Variants in CCDC61 observed in about 807,000 individuals in gnomAD.
CCDC61 encodes centrosomal protein CCDC61.
In CCDC61, 55 loss-of-function variants were observed where a neutral mutation model predicts 63.0. That is an observed-to-expected ratio of 0.87 (90% CI 0.70 to 1.09). The LOEUF (loss-of-function observed/expected upper bound fraction) is 1.09. CCDC61 is among the 50% of genes least tolerant of loss of function. CCDC61 has a pLI of 0.00. For synonymous variants in CCDC61, 270 were observed against 317.0 expected (o/e 0.85, Z 1.58); for missense variants, 651 against 731.4 (o/e 0.89, Z 1.27).
intron 5 of CCDC61, among the ~76,000 whole-genome samples, chr19:46,013,167 C>A (rs1968861172): frequency 6.6e-6 from 1 of 152,094 alleles, no homozygotes; most frequent in Non-Finnish European, 1.5e-5. Context: ...TACAGGTGCC[C>A]CCCACCAGAC....
rs1600654326 is a variant in CCDC61 at position 46,015,505 on chromosome 19, G to T, written c.845+78G>T. 3.1e-6 allele frequency: 4 copies of T among 1,291,322 alleles called. No homozygotes were observed. Among genetic ancestry groups the T allele is most frequent in the Non-Finnish European group, 4.2e-6 (4 of 946,416 alleles). The allele number at this position is 1,291,322 out of a possible 1,614,324, so 80.0% of individuals were successfully genotyped here. A position where few individuals can be genotyped will look rare whatever the true frequency, so the allele number is the denominator to read the frequency against. On this transcript the variant is annotated intron_variant, in intron 7 of 13. Transcript: ENST00000595358. This position sits in a 1 kb window ranked among gnomAD's most constrained non-coding sequence, Gnocchi z 5.3. ...TGGAGGCTGATGAGGCGGAGCCTAA[G>T]GGGGCGGGGCGGGGCCAGGTAGGGT...
At chr19:46,006,442 G>A (rs988990574) in intron 3 of CCDC61, 117 bp from the exon 4 acceptor site, 99 of 988,022 alleles carry the variant, frequency 1.0e-4, no homozygotes, top group Middle Eastern at 2.7e-4. Context: ...CAGCCTTCGC[G>A]TAGGAAAGCC....
chr19:46,002,134 TG>T (rs1024936267), intron 1 of CCDC61, among the ~76,000 whole-genome samples: 38 of 151,768 alleles, frequency 2.5e-4, no homozygotes, highest in African/African-American at 8.9e-4. Context: ...TTAGTAGAGA[TG>T]GGGTTTCACC....
In CCDC61 at chr19:46,007,601, G is replaced by T. The variant is rs182098232; in HGVS notation, c.390-539G>T. On this transcript the variant is annotated intron_variant, in intron 4 of 13. Transcript: ENST00000595358. The stretch of plus-strand genomic sequence containing the variant: ...ATATCTGGCTTTCTAGCCTTTATAG[G>T]GGGAGGGTAGCAAGAGAGTTGGGAA... 1.1e-4 allele frequency among the ~76,000 whole-genome samples: 16 copies of T among 152,320 alleles called. No homozygotes were observed. The East Asian group carries it at 3.1e-3, about 29-fold the overall frequency.
At position 46,016,918 on chromosome 19, in the gene CCDC61, G is replaced by T; in HGVS notation, c.1232-73G>T. The T allele has an allele frequency of 6.9e-7, 1 of 1,442,006 alleles. No homozygotes were observed. The allele number at this position is 1,442,006 out of a possible 1,614,324, so 89.3% of individuals were successfully genotyped here. On this transcript the variant is annotated intron_variant, in intron 10 of 13. Coordinates refer to ENST00000595358, the MANE Select transcript of CCDC61 (RefSeq NM_001267723.2). The surrounding 1 kb of genome is among the most constrained non-coding windows in gnomAD (Gnocchi z 7.2). ...CTGGGAGGCACTGGGCAGGGCGGGC[G>T]GGCTGGGAGGGCCTGGGAAGCACTG...
intron 1 of CCDC61, among the ~76,000 whole-genome samples, 176 bp from the exon 2 acceptor site, chr19:46,002,832 G>A (rs1405534564): frequency 6.6e-6 from 1 of 152,156 alleles, no homozygotes; most frequent in East Asian, 1.9e-4. Context: ...CCACGAGGTT[G>A]GTGCCATTAT....
chr19:46,010,927 C>T (rs964769171), intron 5 of CCDC61, among the ~76,000 whole-genome samples: 6 of 152,320 alleles, frequency 3.9e-5, no homozygotes, highest in Non-Finnish European at 7.3e-5. Context: ...AAACCCACTG[C>T]GTATGCGTTC....
intron 1 of CCDC61, 151 bp from the exon 2 acceptor site, chr19:46,002,857 A>G (rs1968616903): frequency 1.4e-6 from 1 of 702,800 alleles, no homozygotes; most frequent in Admixed American, 2.7e-5. Flanking sequence ...CCCATTTTCC[A>G]GATGAGGAAA....
intron 5 of CCDC61, among the ~76,000 whole-genome samples, chr19:46,012,457 C>A (rs1968845627): frequency 6.6e-6 from 1 of 152,102 alleles, no homozygotes; most frequent in African/African-American, 2.4e-5. Flanking sequence ...ACCAGCCTGG[C>A]CAACATGATG....
In CCDC61 at chr19:46,016,880, G is replaced by T. The variant is rs755440583; in HGVS notation, c.1231+47G>T. On this transcript the variant is annotated intron_variant, in intron 10 of 13. Coordinates refer to ENST00000595358, the MANE Select transcript of CCDC61 (RefSeq NM_001267723.2). This position sits in a 1 kb window ranked among gnomAD's most constrained non-coding sequence, Gnocchi z 7.2. ...GCTGCCGGGCTAGGCGGGACTGGGCGGGGCTGGGCGGGCTGGGAGGCACTG... is the reference window on the plus strand; with the variant it reads ...GCTGCCGGGCTAGGCGGGACTGGGCTGGGCTGGGCGGGCTGGGAGGCACTG... 2.3e-5 allele frequency: 34 copies of T among 1,500,890 alleles called. No individual in the cohort carries two copies. In the Admixed American group the frequency reaches 3.3e-4, roughly 14 times the overall value. The allele number at this position is 1,500,890 out of a possible 1,614,324, so 93.0% of individuals were successfully genotyped here.
chr19:46,006,846 G>T, intron 4 of CCDC61, 130 bp downstream of exon 4: 1 of 822,448 alleles, frequency 1.2e-6, no homozygotes, highest in Non-Finnish European at 1.9e-6. Flanking sequence ...AATCTTCCCT[G>T]TTGGGGTTTG....
At chr19:45,998,794 T>G (rs1216160410) in intron 1 of CCDC61, among the ~76,000 whole-genome samples, 1 of 152,190 alleles carries the variant, frequency 6.6e-6, no homozygotes, top group Non-Finnish European at 1.5e-5. Flanking sequence ...TAGGAGCTCT[T>G]ATTATCCCGC....
chr19:46,013,106 C>T (rs981442274), intron 5 of CCDC61, among the ~76,000 whole-genome samples: 1 of 152,068 alleles, frequency 6.6e-6, no homozygotes, highest in African/African-American at 2.4e-5. Context: ...CTGCCTTCTG[C>T]CTCCTGGGCT....
intron 5 of CCDC61, 99 bp downstream of exon 5, chr19:46,008,400 C>A: frequency 1.0e-6 from 1 of 990,824 alleles, no homozygotes; most frequent in African/African-American, 1.7e-5. Context: ...GACTGTCCTT[C>A]GCCCACCACG....
chr19:45,998,917 G>C (rs1295346447), intron 1 of CCDC61, among the ~76,000 whole-genome samples: 1 of 152,214 alleles, frequency 6.6e-6, no homozygotes, highest in Non-Finnish European at 1.5e-5. Context: ...CATGTGCCAT[G>C]CTTAAGGTGT....
In CCDC61 at chr19:46,002,047, G is replaced by A. The variant is rs1000208906; in HGVS notation, c.-11-961G>A. Among the ~76,000 whole-genome samples, 8 of 151,996 alleles carry A rather than the reference G, an allele frequency of 5.3e-5. No homozygotes were observed. In the East Asian group the frequency reaches 1.4e-3, roughly 26 times the overall value. On this transcript the variant is annotated intron_variant, in intron 1 of 13. Transcript: ENST00000595358. ...CAACCTCTGCCTCCTGGCTTCAAGC[G>A]ATTCTCCTGCCTCAGCCTCCGGAGT...
At chr19:46,004,898 G>GCACAGTCT (rs1415829756) in intron 3 of CCDC61, among the ~76,000 whole-genome samples, 1 of 142,240 alleles carries the variant, frequency 7.0e-6, no homozygotes, top group Non-Finnish European at 1.5e-5. Context: ...AGGCTTAGTG[G>GCACAGTCT]CACAGTCTCA....
intron 3 of CCDC61, among the ~76,000 whole-genome samples, chr19:46,004,507 CA>C (rs1304223641): frequency 2.0e-5 from 3 of 152,174 alleles, no homozygotes; most frequent in Admixed American, 6.5e-5. Flanking sequence ...CTCTGTCTCC[CA>C]GGCTGGAGTG....
intron 5 of CCDC61, 120 bp downstream of exon 5, chr19:46,008,421 T>G: frequency 1.1e-6 from 1 of 904,112 alleles, no homozygotes; most frequent in South Asian, 1.7e-5. Context: ...TATTCTTTTT[T>G]TTTTGAGACA....
Sources: allele counts gnomAD v4.1 joint callset (sites outside exome capture counted in the v4.1 genomes callset), GRCh38; gene constraint gnomAD v4.1.1; non-coding constraint Gnocchi (gnomAD v3.1); transcripts MANE v1.5; gene names NCBI Gene and HGNC (gene_info 2026-07-23, HGNC 2026-07-21).